The following CDH13 variants were observed in gnomAD, a reference collection of about 807,000 sequenced individuals.
CDH13 encodes the protein cadherin 13, also known as cadherin-13.
A neutral mutation model predicts 63.8 loss-of-function variants in CDH13; 24 were observed. The observed-to-expected ratio is 0.38, with a 90% CI of 0.27 to 0.53. The LOEUF (loss-of-function observed/expected upper bound fraction) is 0.53. CDH13 is among the 20% of genes least tolerant of loss of function. The pLI is 0.85. For missense variants in CDH13, 1,049 were observed against 903.1 expected, an observed-to-expected ratio of 1.16 and a Z score of -2.07; for synonymous variants, 503 against 355.3, an observed-to-expected ratio of 1.42 and a Z score of -4.67.
At chr16:82,962,311 G>A (rs984800075) in intron 2 of CDH13, among the ~76,000 whole-genome samples, 1 of 152,174 alleles carries the variant, frequency 6.6e-6, no homozygotes, top group Admixed American at 6.5e-5. Context: ...ACCAGGAGGT[G>A]GATGAAGCAA....
chr16:83,084,618 G>A (rs2033461302), intron 3 of CDH13, among the ~76,000 whole-genome samples: 1 of 152,244 alleles, frequency 6.6e-6, no homozygotes, highest in Admixed American at 6.5e-5. Context: ...CCCAGGTGCA[G>A]TGGCTCATGC....
At chr16:82,943,753 A>C (rs1191407179) in intron 2 of CDH13, among the ~76,000 whole-genome samples, 1 of 152,226 alleles carries the variant, frequency 6.6e-6, no homozygotes, top group South Asian at 2.1e-4. Flanking sequence ...GACTGCTGCA[A>C]TCAATTACAC....
At chr16:83,343,316 A>T (rs998472009) in intron 5 of CDH13, among the ~76,000 whole-genome samples, 14 of 152,222 alleles carry the variant, frequency 9.2e-5, no homozygotes, top group Admixed American at 3.9e-4. Flanking sequence ...AAGTAGATCA[A>T]TAAAGTTTAA....
intron 1 of CDH13, among the ~76,000 whole-genome samples, chr16:82,842,886 A>G (rs889974319): frequency 1.3e-5 from 2 of 152,144 alleles, no homozygotes; most frequent in African/African-American, 4.8e-5. Flanking sequence ...GATCCGTTAC[A>G]TGTGTGGTTC....
Position 83,010,349 on chromosome 16 carries a change from A to G in CDH13, c.158-21661A>G, listed in dbSNP as rs76506449. On this transcript the variant is annotated intron_variant, in intron 2 of 13. Coordinates refer to ENST00000567109, the MANE Select transcript of CDH13 (RefSeq NM_001257.5). ...TCAATGATCAGTTAATACCCCTCCC[A>G]CCTGCATTAACTGTAAGAGAAAGCT... 5.3e-3 allele frequency among the ~76,000 whole-genome samples: 807 copies of G among 152,160 alleles called. 6 individuals are homozygous for G. The highest frequency in any genetic ancestry group is 0.019 in the African/African-American group (786 of 41,516).
At chr16:83,190,125 A>T (rs751738050) in intron 4 of CDH13, among the ~76,000 whole-genome samples, 1 of 152,202 alleles carries the variant, frequency 6.6e-6, no homozygotes, top group Non-Finnish European at 1.5e-5. Flanking sequence ...ACACACATCT[A>T]ACAAGAATAC....
At chr16:83,673,800 G>A (rs1244269451) in intron 9 of CDH13, among the ~76,000 whole-genome samples, 1 of 152,206 alleles carries the variant, frequency 6.6e-6, no homozygotes, top group East Asian at 1.9e-4. Flanking sequence ...TGTTCACAGG[G>A]CACACCACTT....
intron 11 of CDH13, among the ~76,000 whole-genome samples, chr16:83,769,188 G>A (rs1268213333): frequency 6.6e-6 from 1 of 152,222 alleles, no homozygotes. Context: ...TGCTGATCCT[G>A]TTCCCCTGTG....
intron 1 of CDH13, among the ~76,000 whole-genome samples, chr16:82,781,470 T>C (rs1462585178): frequency 6.6e-6 from 1 of 152,106 alleles, no homozygotes. Flanking sequence ...TTTGTCTAGC[T>C]ACCCACACAC....
At chr16:83,538,054 T>G (rs2075227822) in intron 7 of CDH13, among the ~76,000 whole-genome samples, 1 of 152,180 alleles carries the variant, frequency 6.6e-6, no homozygotes, top group Non-Finnish European at 1.5e-5. Context: ...TTAAGATGTT[T>G]CCTAAACAAG....
At chr16:83,694,575 G>A (rs16961334) in intron 10 of CDH13, among the ~76,000 whole-genome samples, 2,249 of 152,318 alleles carry the variant, frequency 0.015, 62 homozygotes, top group African/African-American at 0.052. Flanking sequence ...GGGTGCTTAT[G>A]AGGTGAGAGG....
intron 7 of CDH13, among the ~76,000 whole-genome samples, chr16:83,491,842 C>G (rs761014368): frequency 1.3e-4 from 20 of 152,008 alleles, no homozygotes; most frequent in Non-Finnish European, 2.4e-4. Flanking sequence ...TGGTAACGCA[C>G]TTTCTGAAAC....
intron 1 of CDH13, among the ~76,000 whole-genome samples, chr16:82,761,647 A>G (rs1311618244): frequency 1.3e-5 from 2 of 152,234 alleles, no homozygotes; most frequent in African/African-American, 4.8e-5. Context: ...TAAAAGTCAC[A>G]TAAAGTTCCA....
At chr16:83,042,365 T>C (rs1289280233) in intron 3 of CDH13, among the ~76,000 whole-genome samples, 1 of 152,248 alleles carries the variant, frequency 6.6e-6, no homozygotes, top group East Asian at 1.9e-4. Flanking sequence ...CTATTGTAAA[T>C]TGCACATGCA....
At chr16:83,591,251 T>C (rs1906716026) in intron 7 of CDH13, among the ~76,000 whole-genome samples, 1 of 152,192 alleles carries the variant, frequency 6.6e-6, no homozygotes, top group African/African-American at 2.4e-5. Flanking sequence ...CTCTATGTCT[T>C]ACGTACCTGC....
chr16:83,223,728 C>T (rs1246571489), intron 5 of CDH13, among the ~76,000 whole-genome samples: 1 of 152,222 alleles, frequency 6.6e-6, no homozygotes, highest in Non-Finnish European at 1.5e-5. Context: ...TGCAAGAGAG[C>T]TGGGTCAACA....
intron 7 of CDH13, among the ~76,000 whole-genome samples, chr16:83,489,862 T>G (rs1319358561): frequency 6.6e-6 from 1 of 152,336 alleles, no homozygotes; most frequent in East Asian, 1.9e-4. Flanking sequence ...TGGGACCCTG[T>G]GGACTTTGAG....
intron 3 of CDH13, among the ~76,000 whole-genome samples, chr16:83,060,051 C>A (rs1002977668): frequency 6.6e-6 from 1 of 152,032 alleles, no homozygotes; most frequent in South Asian, 2.1e-4. Flanking sequence ...GCCTCGGCCT[C>A]CCAAATTGCT....
intron 1 of CDH13, among the ~76,000 whole-genome samples, chr16:82,766,978 C>T (rs1212046535): frequency 2.0e-5 from 3 of 152,184 alleles, no homozygotes; most frequent in Non-Finnish European, 2.9e-5. Context: ...ATTTAATCCA[C>T]GCATTTTACC....
Sources: gnomAD v4.1 joint callset for allele counts (sites outside exome capture counted in the v4.1 genomes callset) on GRCh38, gnomAD v4.1.1 for gene constraint, MANE v1.5 for transcripts, NCBI Gene and HGNC (gene_info 2026-07-23, HGNC 2026-07-21) for gene names.